HDAC9: variants seen among roughly 807,000 people sequenced by gnomAD.
HDAC9 encodes the protein MEF-2 interacting transcription repressor (MITR) protein.
HDAC9 carries 41 observed loss-of-function variants against 139.4 expected under a neutral mutation model. That is an observed-to-expected ratio of 0.29 (90% CI 0.23 to 0.38). The LOEUF is 0.38. HDAC9 is among the 10% of genes least tolerant of loss of function. The pLI is 1.00. For missense variants in HDAC9, 1,147 were observed against 1,297.0 expected (o/e 0.88, Z 1.78); for synonymous variants, 517 against 476.2 (o/e 1.09, Z -1.12).
chr7:18,856,416 G>T (rs2129228237), intron 21 of HDAC9, among the ~76,000 whole-genome samples: 1 of 152,226 alleles, frequency 6.6e-6, no homozygotes, highest in East Asian at 1.9e-4. Context: ...AACAGAGGGA[G>T]TTGAACACAT....
intron 1 of HDAC9, among the ~76,000 whole-genome samples, chr7:18,337,735 T>G (rs569154124): frequency 6.6e-6 from 1 of 151,892 alleles, no homozygotes; most frequent in Admixed American, 6.6e-5. Flanking sequence ...AGTGGCCCGC[T>G]TAGGAAATGA....
chr7:18,891,779 A>G (rs1800702627), intron 22 of HDAC9, among the ~76,000 whole-genome samples: 2 of 152,094 alleles, frequency 1.3e-5, no homozygotes, highest in South Asian at 4.2e-4. Flanking sequence ...ATTCACATCT[A>G]TTTAAGGGCA....
chr7:18,171,245 T>C (rs1010951866), intron 2 of HDAC9, among the ~76,000 whole-genome samples: 17 of 152,274 alleles, frequency 1.1e-4, no homozygotes, highest in Admixed American at 1.1e-3. Flanking sequence ...GACTCTCTGT[T>C]TGTCTGTTAT....
At chr7:18,941,632 G>C (rs1782036152) in intron 23 of HDAC9, among the ~76,000 whole-genome samples, 1 of 152,136 alleles carries the variant, frequency 6.6e-6, no homozygotes, top group South Asian at 2.1e-4. Flanking sequence ...TGCCATTCAT[G>C]AGTAAAGGAA....
At chr7:18,256,507 A>G (rs533585673) in intron 2 of HDAC9, among the ~76,000 whole-genome samples, 1 of 152,310 alleles carries the variant, frequency 6.6e-6, no homozygotes, top group African/African-American at 2.4e-5. Context: ...GCCAATGAAG[A>G]GCCTTTTCTA....
At chr7:18,266,040 C>A (rs1056382657) in intron 2 of HDAC9, among the ~76,000 whole-genome samples, 3 of 152,134 alleles carry the variant, frequency 2.0e-5, no homozygotes, top group Non-Finnish European at 2.9e-5. Flanking sequence ...GTTGGTCTAT[C>A]TTGCACTTTG....
At chr7:18,664,287 G>C (rs1794139429) in intron 11 of HDAC9, among the ~76,000 whole-genome samples, 1 of 152,134 alleles carries the variant, frequency 6.6e-6, no homozygotes, top group Admixed American at 6.6e-5. Flanking sequence ...ATGGATGTTA[G>C]ATGGTAGGCA....
intron 2 of HDAC9, among the ~76,000 whole-genome samples, chr7:18,506,759 G>A (rs967648686): frequency 2.0e-5 from 3 of 151,966 alleles, no homozygotes; most frequent in Non-Finnish European, 4.4e-5. Context: ...ATAAAATATA[G>A]CCATAAAAGA....
intron 1 of HDAC9, among the ~76,000 whole-genome samples, chr7:18,396,712 G>A (rs891730319): frequency 2.6e-5 from 4 of 152,040 alleles, no homozygotes; most frequent in African/African-American, 4.8e-5. Flanking sequence ...TTTCTAATCA[G>A]CGGTGATAAT....
At chr7:18,356,372 T>TTTTTG (rs1554388682) in intron 1 of HDAC9, among the ~76,000 whole-genome samples, 2 of 143,842 alleles carry the variant, frequency 1.4e-5, no homozygotes, top group Non-Finnish European at 3.0e-5. Flanking sequence ...TTTTTTTTTT[T>TTTTTG]TTTTTTTTTT....
At chr7:18,262,597 T>C (rs1269182704) in intron 2 of HDAC9, among the ~76,000 whole-genome samples, 2 of 152,178 alleles carry the variant, frequency 1.3e-5, no homozygotes, top group Non-Finnish European at 2.9e-5. Flanking sequence ...AGTATAACTG[T>C]ATTTTTGTTT....
rs189975268 is a variant in HDAC9, at chr7:18,128,963, T to C, written c.-96-33266T>C. ...AGGAGCTAGCTTTCCAGAAGTGATA[T>C]AGTTACATTGCCTTATCTGGATTTC... On this transcript the variant is annotated intron_variant, in intron 1 of 12. Coordinates refer to the HDAC9 transcript ENST00000417496. Among the ~76,000 whole-genome samples, 19 of 152,260 alleles carry C rather than the reference T, an allele frequency of 1.2e-4. No individual in the cohort carries two copies. The East Asian group carries it at 1.9e-3, about 15-fold the overall frequency.
chr7:18,106,336 G>A (rs371210729), intron 1 of HDAC9, among the ~76,000 whole-genome samples: 4 of 152,062 alleles, frequency 2.6e-5, no homozygotes, highest in Non-Finnish European at 5.9e-5. Flanking sequence ...TCATTTCTGG[G>A]TACTTTGTCT....
chr7:18,862,120 C>T (rs1364603342), intron 21 of HDAC9, among the ~76,000 whole-genome samples: 1 of 152,178 alleles, frequency 6.6e-6, no homozygotes, highest in Admixed American at 6.6e-5. Flanking sequence ...TTGCTCTCCA[C>T]TCTAGGGTCT....
rs201235746 is a variant in HDAC9, at chr7:18,410,000, C to T, written c.-41-86262C>T. ...ATTCGTTTTATTTTAAATTTTTAGTCCATAATTTTTCTTTACCCATTTTTT... is the reference window on the plus strand; with the variant it reads ...ATTCGTTTTATTTTAAATTTTTAGTTCATAATTTTTCTTTACCCATTTTTT... On this transcript the variant is annotated intron_variant, in intron 1 of 3. Transcript: ENST00000413509. Among the ~76,000 whole-genome samples the T allele has an allele frequency of 1.8e-4, 27 of 151,664 alleles. 1 individual carries two copies. The East Asian group carries it at 3.5e-3, about 20-fold the overall frequency.
chr7:18,314,788 A>G (rs571453369), intron 1 of HDAC9, among the ~76,000 whole-genome samples: 26 of 152,364 alleles, frequency 1.7e-4, no homozygotes, highest in African/African-American at 6.3e-4. Flanking sequence ...AGGTTTAGTA[A>G]TATTTAAGCT....
intron 23 of HDAC9, among the ~76,000 whole-genome samples, chr7:18,945,706 A>T (rs997393578): frequency 6.6e-6 from 1 of 152,054 alleles, no homozygotes. Context: ...GTTTGTTTCA[A>T]TGTGAATATA....
intron 1 of HDAC9, among the ~76,000 whole-genome samples, chr7:18,153,157 A>G (rs1462830486): frequency 3.3e-5 from 5 of 152,200 alleles, no homozygotes; most frequent in African/African-American, 7.2e-5. Flanking sequence ...ATCAATTGCA[A>G]GGGATTCTGG....
chr7:18,874,818 A>T (rs1180176615), intron 22 of HDAC9, among the ~76,000 whole-genome samples: 2 of 152,174 alleles, frequency 1.3e-5, no homozygotes, highest in African/African-American at 4.8e-5. Flanking sequence ...ATGACAGCAC[A>T]TTTCAGAAAT....
Sources: allele counts gnomAD v4.1 joint callset (sites outside exome capture counted in the v4.1 genomes callset), GRCh38; gene constraint gnomAD v4.1.1; transcripts MANE v1.5; gene names NCBI Gene and HGNC (gene_info 2026-07-23, HGNC 2026-07-21).